YWHAB: variants seen among roughly 807,000 people sequenced by gnomAD.
The protein encoded by YWHAB is tyrosine 3-monooxygenase/tryptophan 5-monooxygenase activation protein beta, also known as 14-3-3 protein beta/alpha.
A neutral mutation model predicts 28.5 loss-of-function variants in YWHAB; 2 were observed. The ratio of observed to expected loss-of-function variants is 0.07; its 90% CI spans 0.03 to 0.22. The LOEUF is 0.22. Ranked by LOEUF, YWHAB falls within the 10% of genes least tolerant of loss-of-function variation. The pLI, the probability that YWHAB is intolerant of heterozygous loss-of-function variation, is 1.00. For synonymous variants in YWHAB, 103 were observed against 104.7 expected, an observed-to-expected ratio of 0.98 and a Z score of 0.10; for missense variants, 148 against 297.1, an observed-to-expected ratio of 0.50 and a Z score of 3.69.
intron 1 of YWHAB, among the ~76,000 whole-genome samples, chr20:44,891,307 T>C (rs2066560499): frequency 6.6e-6 from 1 of 152,138 alleles, no homozygotes; most frequent in South Asian, 2.1e-4. Flanking sequence ...GGTTTCACCA[T>C]GTTGGCCAGG....
intron 2 of YWHAB, chr20:44,902,917 G>A: frequency 3.3e-6 from 1 of 300,538 alleles, no homozygotes; most frequent in Non-Finnish European, 4.9e-6. Context: ...GTATTCAGAT[G>A]AAGTATGTCA....
chr20:44,901,018 C>T (rs2066623252), intron 1 of YWHAB, among the ~76,000 whole-genome samples: 1 of 152,186 alleles, frequency 6.6e-6, no homozygotes, highest in Non-Finnish European at 1.5e-5. Flanking sequence ...TCGTGAATTG[C>T]CCTCCTCGGC....
chr20:44,901,917 T>G (rs2066629570), intron 2 of YWHAB, 84 bp downstream of exon 2: 2 of 1,427,160 alleles, frequency 1.4e-6, no homozygotes, highest in African/African-American at 2.9e-5. Flanking sequence ...CAAAACAGCT[T>G]ATGAGAGAGA....
intron 1 of YWHAB, among the ~76,000 whole-genome samples, chr20:44,898,143 G>A (rs1470843867): frequency 1.3e-5 from 2 of 152,192 alleles, no homozygotes; most frequent in Admixed American, 1.3e-4. Context: ...AAATAGAAGG[G>A]AACAAATGGA....
intron 1 of YWHAB, among the ~76,000 whole-genome samples, chr20:44,893,236 C>T (rs2066574070): frequency 1.3e-5 from 2 of 152,130 alleles, no homozygotes; most frequent in South Asian, 4.1e-4. Flanking sequence ...AGGGGCTAGG[C>T]TGTTTCCTAG....
chr20:44,886,943 G>C (rs1299917902), intron 1 of YWHAB: 1 of 152,194 alleles, frequency 6.6e-6, no homozygotes, highest in East Asian at 1.9e-4. Flanking sequence ...ATGATGCTAT[G>C]AACATAAAAT....
At chr20:44,896,202 A>T (rs1432260261) in intron 1 of YWHAB, among the ~76,000 whole-genome samples, 1 of 151,792 alleles carries the variant, frequency 6.6e-6, no homozygotes, top group Non-Finnish European at 1.5e-5. Context: ...AAATTTTTTT[A>T]AAGTGAAATT....
intron 1 of YWHAB, among the ~76,000 whole-genome samples, chr20:44,895,837 G>T (rs1221812790): frequency 1.3e-5 from 2 of 152,194 alleles, no homozygotes; most frequent in African/African-American, 2.4e-5. Context: ...ATGTAATGAA[G>T]ATTTAATATG....
chr20:44,895,734 C>G (rs1036877888), intron 1 of YWHAB, among the ~76,000 whole-genome samples: 1 of 152,166 alleles, frequency 6.6e-6, no homozygotes, highest in South Asian at 2.1e-4. Flanking sequence ...TCCAAAAGCA[C>G]TGGGATTATA....
chr20:44,897,738 G>A, intron 1 of YWHAB, among the ~76,000 whole-genome samples: 1 of 152,126 alleles, frequency 6.6e-6, no homozygotes, highest in Middle Eastern at 3.2e-3. Flanking sequence ...AGATATGGAG[G>A]GCCAACTATA....
chr20:44,889,515 G>C (rs548127997), intron 1 of YWHAB, among the ~76,000 whole-genome samples: 1 of 145,270 alleles, frequency 6.9e-6, no homozygotes, highest in African/African-American at 2.6e-5. Flanking sequence ...AGTTTTTCCC[G>C]TACTGGTTAG....
intron 4 of YWHAB, chr20:44,905,736 G>A (rs1466957901): frequency 3.2e-6 from 1 of 312,822 alleles, no homozygotes; most frequent in Admixed American, 4.8e-5. Flanking sequence ...TGCCCAGAAT[G>A]ACTGTGCTAG....
At chr20:44,894,329 A>G (rs974765978) in intron 1 of YWHAB, among the ~76,000 whole-genome samples, 1 of 152,210 alleles carries the variant, frequency 6.6e-6, no homozygotes, top group Admixed American at 6.5e-5. Context: ...CGATGAGACT[A>G]TAGTCTTTCA....
At chr20:44,899,169 A>G (rs770758546) in intron 1 of YWHAB, among the ~76,000 whole-genome samples, 49 of 151,694 alleles carry the variant, frequency 3.2e-4, no homozygotes, top group Admixed American at 2.6e-4. Context: ...TAGTAATGAA[A>G]GAATTTGTTT....
chr20:44,894,157 G>C (rs1029042017), intron 1 of YWHAB, among the ~76,000 whole-genome samples: 2 of 152,124 alleles, frequency 1.3e-5, no homozygotes, highest in Non-Finnish European at 2.9e-5. Context: ...CATCATATAG[G>C]TGTGCTGGAG....
chr20:44,894,904 C>G (rs1425298286), intron 1 of YWHAB, among the ~76,000 whole-genome samples: 4 of 152,354 alleles, frequency 2.6e-5, no homozygotes, highest in African/African-American at 9.6e-5. Flanking sequence ...CTTGTGCTCT[C>G]CCAATAATGA....
intron 1 of YWHAB, chr20:44,887,529 A>G (rs1276398687): frequency 6.6e-6 from 1 of 152,184 alleles, no homozygotes; most frequent in Non-Finnish European, 1.5e-5. Context: ...TCTTTTGTAC[A>G]TTTCACATCT....
intron 1 of YWHAB, among the ~76,000 whole-genome samples, chr20:44,894,979 A>G (rs563243734): frequency 2.6e-5 from 4 of 152,276 alleles, no homozygotes; most frequent in Non-Finnish European, 5.9e-5. Flanking sequence ...ATAAGCATTA[A>G]ATGTGAAACA....
intron 1 of YWHAB, among the ~76,000 whole-genome samples, chr20:44,893,807 T>A (rs966045160): frequency 1.3e-5 from 2 of 150,686 alleles, no homozygotes; most frequent in African/African-American, 4.9e-5. Context: ...CAAGTGATTA[T>A]CCTGCCTCAG....
Sources: gnomAD v4.1 joint callset for allele counts (sites outside exome capture counted in the v4.1 genomes callset) on GRCh38, gnomAD v4.1.1 for gene constraint, MANE v1.5 for transcripts, NCBI Gene and HGNC (gene_info 2026-07-23, HGNC 2026-07-21) for gene names.